Variants in INTS9 observed in about 807,000 individuals in gnomAD.
INTS9 encodes the protein integrator complex subunit 9.
In INTS9, 55 loss-of-function variants were observed where a neutral mutation model predicts 79.7. That is an observed-to-expected ratio of 0.69 (90% CI 0.56 to 0.86). The LOEUF is 0.86. Ranked by LOEUF, INTS9 falls within the 40% of genes least tolerant of loss-of-function variation. The pLI is 0.00. For missense variants in INTS9, 721 were observed against 831.5 expected, an observed-to-expected ratio of 0.87 and a Z score of 1.64; for synonymous variants, 319 against 325.2, an observed-to-expected ratio of 0.98 and a Z score of 0.20.
chr8:28,806,049 G>C (rs1179801952), intron 8 of INTS9, among the ~76,000 whole-genome samples: 1 of 150,516 alleles, frequency 6.6e-6, no homozygotes, highest in Non-Finnish European at 1.5e-5. Flanking sequence ...GGGCAATATA[G>C]GAAGATCCTG....
intron 4 of INTS9, among the ~76,000 whole-genome samples, chr8:28,841,294 CT>C (rs1472174580): frequency 6.6e-6 from 1 of 152,204 alleles, no homozygotes; most frequent in South Asian, 2.1e-4. Context: ...ACTACCTCCC[CT>C]AGCATCATTT....
At chr8:28,809,847 G>T (rs1805008936) in intron 8 of INTS9, among the ~76,000 whole-genome samples, 1 of 152,108 alleles carries the variant, frequency 6.6e-6, no homozygotes, top group Non-Finnish European at 1.5e-5. Flanking sequence ...GTCCCCTCTA[G>T]ACCTTGAGAT....
intron 12 of INTS9, chr8:28,780,226 CTA>C (rs1803169768): frequency 1.1e-5 from 1 of 90,644 alleles, no homozygotes; most frequent in Non-Finnish European, 1.5e-5. Context: ...GACTGATGAG[CTA>C]AAAAAAAAAA....
chr8:28,793,971 A>G lies in INTS9; in HGVS notation c.873T>C (p.Asn291=), dbSNP rs757476897. 1.9e-6 allele frequency: 3 copies of G among 1,596,852 alleles called. No homozygotes were observed. ...AGCAGGGAACCAACACGTTTCCTCC[A>G]TTCCGGACTGTCAGAGCTAGAAAAG... The part of the protein sequence containing the change: ...FCSNLALTVR[N]GGNVLVPCYP... Residue 291 remains asparagine, a synonymous_variant, in exon 10 of 17, where the codon AAT becomes AAC. Transcript: ENST00000521022.
At chr8:28,883,709 C>T (rs554045976) in intron 1 of INTS9, among the ~76,000 whole-genome samples, 4 of 152,198 alleles carry the variant, frequency 2.6e-5, no homozygotes, top group East Asian at 1.9e-4. Context: ...CTAGGCTTCA[C>T]GTTCCATATA....
At chr8:28,838,138 G>A (rs550215673) in intron 4 of INTS9, among the ~76,000 whole-genome samples, 6 of 152,140 alleles carry the variant, frequency 3.9e-5, no homozygotes, top group African/African-American at 1.2e-4. Flanking sequence ...CAGGCGGCAA[G>A]CACACACTAG....
intron 4 of INTS9, among the ~76,000 whole-genome samples, chr8:28,844,065 G>T (rs1585458225): frequency 6.6e-6 from 1 of 152,134 alleles, no homozygotes; most frequent in South Asian, 2.1e-4. Context: ...GGCATCACAT[G>T]GTGTTTTAAG....
intron 2 of INTS9, among the ~76,000 whole-genome samples, chr8:28,854,314 C>CTT (rs1808023056): frequency 6.6e-6 from 1 of 152,016 alleles, no homozygotes; most frequent in Non-Finnish European, 1.5e-5. Flanking sequence ...ATAAACAATC[C>CTT]TTTCCTTTCA....
At chr8:28,795,704 A>T in intron 9 of INTS9, among the ~76,000 whole-genome samples, 1 of 150,870 alleles carries the variant, frequency 6.6e-6, no homozygotes, top group East Asian at 2.0e-4. Context: ...CCTCTTCTCC[A>T]CATGAGGACA....
chr8:28,790,591 G>A (rs1446441753), intron 10 of INTS9, among the ~76,000 whole-genome samples: 1 of 152,184 alleles, frequency 6.6e-6, no homozygotes, highest in Non-Finnish European at 1.5e-5. Flanking sequence ...GCCTCCTAAA[G>A]TGCTGGGATT....
chr8:28,834,676 G>GTTT (rs35112754), intron 6 of INTS9, among the ~76,000 whole-genome samples: 3 of 134,170 alleles, frequency 2.2e-5, no homozygotes, highest in Non-Finnish European at 4.8e-5. Context: ...GCAAACATCT[G>GTTT]TTTTTTTTTT....
intron 1 of INTS9, among the ~76,000 whole-genome samples, chr8:28,865,672 G>C (rs1808706880): frequency 1.3e-5 from 2 of 152,122 alleles, no homozygotes; most frequent in African/African-American, 4.8e-5. Context: ...GCCAGTCTAG[G>C]TGGTGTTTTA....
intron 8 of INTS9, among the ~76,000 whole-genome samples, chr8:28,802,946 C>CA (rs575727940): frequency 0.078 from 5,063 of 65,294 alleles, 146 homozygotes; most frequent in African/African-American, 0.15. Context: ...CCCGTTTCTA[C>CA]AAAAAAAAAA....
At chr8:28,862,347 G>T in intron 1 of INTS9, 1 of 462,108 alleles carries the variant, frequency 2.2e-6, no homozygotes, top group African/African-American at 2.1e-5. Flanking sequence ...TGCTGTGTGT[G>T]CTGCTTCAAC....
Position 28,789,880 on chromosome 8 carries a change from A to AAACC in INTS9, c.1038-1995_1038-1992dup, listed in dbSNP as rs140330828. On this transcript the variant is annotated intron_variant, in intron 10 of 16. Transcript: ENST00000521022. Reference sequence around the variant, plus strand: ...GCGACAGAGTGAGAGCCTGTCTCAAAAACCAACCAACCAACCAACCAACAC... The same window carrying AAACC: ...GCGACAGAGTGAGAGCCTGTCTCAAAAACCAACCAACCAACCAACCAACCAACAC... 1.6e-3 allele frequency among the ~76,000 whole-genome samples: 245 copies of AAACC among 151,664 alleles called. 2 individuals carry two copies. Among genetic ancestry groups the AAACC allele is most frequent in the Middle Eastern group, 0.01 (3 of 292 alleles).
At chr8:28,797,329 C>T (rs536455018) in intron 8 of INTS9, among the ~76,000 whole-genome samples, 5 of 152,312 alleles carry the variant, frequency 3.3e-5, no homozygotes, top group African/African-American at 1.2e-4. Flanking sequence ...GTCCCAGTGG[C>T]ATAGAAGCCA....
chr8:28,807,459 T>C (rs1021549808), intron 8 of INTS9, among the ~76,000 whole-genome samples: 1 of 152,212 alleles, frequency 6.6e-6, no homozygotes, highest in Non-Finnish European at 1.5e-5. Flanking sequence ...TTTTCACCTA[T>C]GACTATAGAT....
At chr8:28,772,031 A>ATTAT (rs1554491837) in intron 14 of INTS9, among the ~76,000 whole-genome samples, 1 of 151,856 alleles carries the variant, frequency 6.6e-6, no homozygotes, top group African/African-American at 2.4e-5. Flanking sequence ...TGGCTAATTT[A>ATTAT]TTATTTTTTT....
At chr8:28,848,896 C>A (rs968425915) in intron 3 of INTS9, among the ~76,000 whole-genome samples, 1 of 152,186 alleles carries the variant, frequency 6.6e-6, no homozygotes, top group African/African-American at 2.4e-5. Flanking sequence ...TGGGATGCTT[C>A]GGAGCCTTCT....
Sources: gnomAD v4.1 joint callset for allele counts (sites outside exome capture counted in the v4.1 genomes callset) on GRCh38, gnomAD v4.1.1 for gene constraint, MANE v1.5 for transcripts, NCBI Gene and HGNC (gene_info 2026-07-23, HGNC 2026-07-21) for gene names.